DPYD: variants seen among roughly 807,000 people sequenced by gnomAD.
The protein encoded by DPYD is dihydropyrimidine dehydrogenase.
A neutral mutation model predicts 116.2 loss-of-function variants in DPYD; 109 were observed. The ratio of observed to expected loss-of-function variants is 0.94; its 90% CI spans 0.80 to 1.10. DPYD has a LOEUF of 1.10. Among genes scored for constraint, DPYD ranks in the 50% least tolerant of loss-of-function variants. The probability of loss-of-function intolerance (pLI) is 0.00; values close to 1 mark genes in which losing one functional copy is unlikely to be tolerated. For missense variants in DPYD, 1,302 were observed against 1,254.5 expected, an observed-to-expected ratio of 1.04 and a Z score of -0.57; for synonymous variants, 440 against 432.0, an observed-to-expected ratio of 1.02 and a Z score of -0.23.
At chr1:97,455,217 A>T (rs1676616771) in intron 13 of DPYD, among the ~76,000 whole-genome samples, 1 of 151,918 alleles carries the variant, frequency 6.6e-6, no homozygotes, top group South Asian at 2.1e-4. Context: ...TTTACTCTTG[A>T]ACTGCAGAAA....
chr1:97,279,040 C>A (rs955188279), intron 18 of DPYD, among the ~76,000 whole-genome samples: 2 of 151,910 alleles, frequency 1.3e-5, no homozygotes, highest in Admixed American at 6.6e-5. Context: ...ATTCAGGTGA[C>A]GGACATGCAG....
chr1:97,678,913 G>A (rs1660290934), intron 8 of DPYD, among the ~76,000 whole-genome samples, 182 bp downstream of exon 8: 1 of 152,134 alleles, frequency 6.6e-6, no homozygotes, highest in African/African-American at 2.4e-5. Flanking sequence ...TAATTAAGGT[G>A]AAACAGCACT....
At chr1:97,293,354 A>C (rs1309172960) in intron 18 of DPYD, among the ~76,000 whole-genome samples, 1 of 152,204 alleles carries the variant, frequency 6.6e-6, no homozygotes, top group East Asian at 1.9e-4. Context: ...CACAGTGCTT[A>C]AGTGTACAGT....
chr1:97,662,650 A>C (rs943300260), intron 8 of DPYD, among the ~76,000 whole-genome samples: 1 of 152,112 alleles, frequency 6.6e-6, no homozygotes, highest in Non-Finnish European at 1.5e-5. Flanking sequence ...AAACAAAAAC[A>C]AAAAAGAGTG....
chr1:97,803,037 C>A (rs893846072), intron 3 of DPYD, among the ~76,000 whole-genome samples: 2 of 151,858 alleles, frequency 1.3e-5, no homozygotes, highest in African/African-American at 4.8e-5. Flanking sequence ...TGAACATATT[C>A]TCTCAAACTG....
At chr1:97,837,683 A>G (rs952313849) in intron 2 of DPYD, among the ~76,000 whole-genome samples, 6 of 152,294 alleles carry the variant, frequency 3.9e-5, no homozygotes, top group Admixed American at 3.3e-4. Context: ...ATAAGTGATT[A>G]TCAATTCTAA....
intron 16 of DPYD, among the ~76,000 whole-genome samples, chr1:97,325,246 A>G (rs562473064): frequency 2.0e-5 from 3 of 152,136 alleles, no homozygotes; most frequent in African/African-American, 7.2e-5. Context: ...TATGTAATTA[A>G]CACCTAGAAG....
intron 8 of DPYD, among the ~76,000 whole-genome samples, chr1:97,672,650 A>G (rs1225546696): frequency 6.6e-6 from 1 of 152,182 alleles, no homozygotes; most frequent in African/African-American, 2.4e-5. Flanking sequence ...AGTAAAGCAA[A>G]TGGTCTAAAA....
chr1:97,470,221 C>G (rs1291133918), intron 13 of DPYD, among the ~76,000 whole-genome samples: 1 of 151,886 alleles, frequency 6.6e-6, no homozygotes, highest in East Asian at 1.9e-4. Flanking sequence ...AGCTGTTTCA[C>G]ATACTGATTC....
At chr1:97,510,957 T>A (rs923483390) in intron 13 of DPYD, among the ~76,000 whole-genome samples, 4 of 151,802 alleles carry the variant, frequency 2.6e-5, no homozygotes, top group African/African-American at 9.7e-5. Flanking sequence ...AGCTCAGCCA[T>A]CTCCGCAATT....
At chr1:97,546,688 G>A in intron 12 of DPYD, 1 of 1,613,012 alleles carries the variant, frequency 6.2e-7, no homozygotes, top group Non-Finnish European at 8.5e-7. Flanking sequence ...GCCATATCAT[G>A]TGTGTACACT....
intron 16 of DPYD, 50 bp downstream of exon 16, chr1:97,373,511 G>T: frequency 2.0e-6 from 3 of 1,503,378 alleles, no homozygotes; most frequent in Non-Finnish European, 2.8e-6. Flanking sequence ...CCATACGGGG[G>T]CCTGTTATGT....
intron 14 of DPYD, among the ~76,000 whole-genome samples, chr1:97,429,952 C>T (rs192849915): frequency 6.6e-6 from 1 of 152,144 alleles, no homozygotes; most frequent in Non-Finnish European, 1.5e-5. Flanking sequence ...TAAATGTGGA[C>T]AAACTGAACA....
chr1:97,744,950 G>A (rs1241951728), intron 3 of DPYD, among the ~76,000 whole-genome samples: 1 of 152,016 alleles, frequency 6.6e-6, no homozygotes, highest in Non-Finnish European at 1.5e-5. Context: ...AGACAAGAAA[G>A]ATGGCTGGTA....
At chr1:97,556,754 A>G (rs188986436) in intron 11 of DPYD, among the ~76,000 whole-genome samples, 17,299 of 149,546 alleles carry the variant, frequency 0.12, 1,063 homozygotes, top group African/African-American at 0.18. Flanking sequence ...CCAGTCTATC[A>G]TTGTTGGACA....
chr1:97,480,287 T>C (rs1322344512), intron 13 of DPYD, among the ~76,000 whole-genome samples: 4 of 152,112 alleles, frequency 2.6e-5, no homozygotes, highest in East Asian at 1.9e-4. Context: ...ATAAAGTAAT[T>C]TGAGTACTCA....
chr1:97,682,670 G>A (rs1341166146), intron 7 of DPYD, among the ~76,000 whole-genome samples: 1 of 152,092 alleles, frequency 6.6e-6, no homozygotes, highest in Admixed American at 6.6e-5. Context: ...AAATCTCAAT[G>A]TTATTTGTTA....
intron 16 of DPYD, among the ~76,000 whole-genome samples, chr1:97,352,984 A>G (rs1416622094): frequency 2.0e-5 from 3 of 152,164 alleles, no homozygotes; most frequent in African/African-American, 7.2e-5. Flanking sequence ...GGGGGAGCCC[A>G]TGAAGGCAGA....
At chr1:97,082,594 T>C in intron 21 of DPYD, 124 bp from the exon 22 acceptor site, 2 of 1,156,940 alleles carry the variant, frequency 1.7e-6, no homozygotes, top group Non-Finnish European at 1.3e-6. Flanking sequence ...GGAGACTGGA[T>C]AGTATAATTC....
Sources: allele counts gnomAD v4.1 joint callset (sites outside exome capture counted in the v4.1 genomes callset), GRCh38; gene constraint gnomAD v4.1.1; transcripts MANE v1.5; gene names NCBI Gene and HGNC (gene_info 2026-07-23, HGNC 2026-07-21).